Variants in ACTN1 observed in about 807,000 individuals in gnomAD.
The protein encoded by ACTN1 is alpha-actinin-1.
In ACTN1, 30 loss-of-function variants were observed where a neutral mutation model predicts 119.6. The ratio of observed to expected loss-of-function variants is 0.25; its 90% CI spans 0.19 to 0.34. The LOEUF (loss-of-function observed/expected upper bound fraction) is 0.34. Ranked by LOEUF, ACTN1 falls within the 10% of genes least tolerant of loss-of-function variation. ACTN1 has a pLI of 1.00. For missense variants in ACTN1, 764 were observed against 1,223.4 expected (o/e 0.62, Z 5.60); for synonymous variants, 429 against 472.6 (o/e 0.91, Z 1.20).
intron 1 of ACTN1, among the ~76,000 whole-genome samples, chr14:68,953,616 C>A (rs534489277): frequency 3.3e-5 from 5 of 151,784 alleles, no homozygotes; most frequent in African/African-American, 9.7e-5. Context: ...CGGTGGCTCA[C>A]GCCTGTAATC....
Position 68,882,981 on chromosome 14 carries a change from G to A in ACTN1, c.1710C>T (p.Gly570=), listed in dbSNP as rs1181985328. The change falls in exon 15 of 22, where the codon GGC becomes GGT. Residue 570 remains glycine (G), a synonymous_variant. Coordinates refer to ENST00000394419, the MANE Select transcript of ACTN1 (RefSeq NM_001130004.2). The surrounding 1 kb of genome is among the most constrained non-coding windows in gnomAD (Gnocchi z 4.5). ...DADKERLAIL[G]IHNEVSKIVQ... is the part of the protein sequence containing the mutation. ...CAATCTTGGACACCTCATTGTGGAT[G>A]CCCAGGATGGCCAGGCGCTCCTTGT... 4.3e-6 allele frequency: 7 copies of A among 1,614,102 alleles called. No homozygotes were observed. The highest frequency in any genetic ancestry group is 1.6e-4 in the Middle Eastern group (1 of 6,084).
intron 1 of ACTN1, among the ~76,000 whole-genome samples, chr14:68,959,502 C>A (rs887419509): frequency 6.6e-6 from 1 of 152,200 alleles, no homozygotes; most frequent in African/African-American, 2.4e-5. Context: ...GAAATAAACA[C>A]TTGATACTTC....
At chr14:68,902,632 AAAG>A in intron 7 of ACTN1, 70 bp from the exon 8 acceptor site, 1 of 1,335,338 alleles carries the variant, frequency 7.5e-7, no homozygotes, top group South Asian at 1.2e-5. Flanking sequence ...CGTGAGGCAG[AAAG>A]AAGCTCGCAG....
In ACTN1 at chr14:68,890,215, G is replaced by T. The variant is rs1054200; in HGVS notation, c.1158C>A (p.Ile386=). The change falls in exon 11 of 22, where the codon ATC becomes ATA. Residue 386 remains isoleucine, a synonymous_variant. Transcript: ENST00000394419. ...GGTGGTCCAGTCGCTCCAGCCTCCG[G>T]ATCTCATTCAGCAACCACTCCTCAT... ...KGYEEWLLNE[I]RRLERLDHLA... 38,643 of 1,614,174 alleles carry T rather than the reference G, an allele frequency of 0.024. 576 individuals carry two copies. Among genetic ancestry groups the T allele is most frequent in the Non-Finnish European group, 0.027 (31,970 of 1,180,028 alleles).
At chr14:68,972,701 GAGA>G (rs2036927553) in intron 1 of ACTN1, among the ~76,000 whole-genome samples, 1 of 152,220 alleles carries the variant, frequency 6.6e-6, no homozygotes, top group South Asian at 2.1e-4. Context: ...GAGCAAAGTT[GAGA>G]AGGAGTGCAA....
chr14:68,908,184 TG>T (rs1227304687), intron 6 of ACTN1, among the ~76,000 whole-genome samples: 1 of 8,414 alleles, frequency 1.2e-4, no homozygotes, highest in Non-Finnish European at 2.2e-4. Flanking sequence ...GCAGTGTGTA[TG>T]GGGTGGGGGT....
chr14:68,930,888 C>T (rs2035193519), intron 1 of ACTN1, among the ~76,000 whole-genome samples: 2 of 152,228 alleles, frequency 1.3e-5, no homozygotes, highest in Admixed American at 1.3e-4. Context: ...ATGCTGTTAA[C>T]ACACCTCATA....
intron 2 of ACTN1, among the ~76,000 whole-genome samples, chr14:68,922,329 T>C (rs1357566274): frequency 6.6e-6 from 1 of 152,222 alleles, no homozygotes; most frequent in African/African-American, 2.4e-5. Flanking sequence ...GCAGACTTCC[T>C]GCCACAGATG....
chr14:68,918,307 C>T (rs953185100), intron 3 of ACTN1, among the ~76,000 whole-genome samples: 5 of 152,264 alleles, frequency 3.3e-5, no homozygotes, highest in East Asian at 1.9e-4. Context: ...TCTGGCCGGG[C>T]GCGGTGGCTC....
At chr14:68,962,704 A>G (rs186766034) in intron 1 of ACTN1, among the ~76,000 whole-genome samples, 2 of 152,288 alleles carry the variant, frequency 1.3e-5, no homozygotes, top group Non-Finnish European at 2.9e-5. Flanking sequence ...ACTTCTCCCC[A>G]TTGGGTCAAC....
At position 68,978,935 on chromosome 14, in the gene ACTN1, CG is replaced by C; in HGVS notation, c.105+16del. 5 of 1,339,722 alleles carry C rather than the reference CG, an allele frequency of 3.7e-6. No individual in the cohort carries two copies. Among genetic ancestry groups the C allele is most frequent in the Admixed American group, 2.0e-5 (1 of 49,136 alleles). The allele number at this position is 1,339,722 out of a possible 1,614,324, so 83.0% of individuals were successfully genotyped here. A position where few individuals can be genotyped will look rare whatever the true frequency, so the allele number is the denominator to read the frequency against. ...GCTGGGGGCTGGGGGCTGCAGCGGGCGGGGGCGGCTGCTAACCTTTCTCTGC... is the reference window on the plus strand; with the variant it reads ...GCTGGGGGCTGGGGGCTGCAGCGGGCGGGGCGGCTGCTAACCTTTCTCTGC... On this transcript the variant is annotated intron_variant, in intron 1 of 21. Coordinates refer to ENST00000394419, the MANE Select transcript of ACTN1 (RefSeq NM_001130004.2).
At chr14:68,907,424 C>A (rs186219703) in intron 6 of ACTN1, among the ~76,000 whole-genome samples, 1,567 of 147,710 alleles carry the variant, frequency 0.011, 24 homozygotes, top group African/African-American at 0.037. Flanking sequence ...ATTAGCCAGG[C>A]GTGCTGGCGT....
intron 4 of ACTN1, among the ~76,000 whole-genome samples, chr14:68,911,129 G>T (rs1164929729): frequency 1.3e-5 from 2 of 152,144 alleles, no homozygotes; most frequent in African/African-American, 2.4e-5. Flanking sequence ...ACTTTAAAAT[G>T]ACATTCAAGG....
chr14:68,973,115 G>C (rs988369301), intron 1 of ACTN1, among the ~76,000 whole-genome samples: 4 of 152,124 alleles, frequency 2.6e-5, no homozygotes, highest in African/African-American at 9.7e-5. Flanking sequence ...CATGAAAGGA[G>C]GGAAAGCAGG....
intron 1 of ACTN1, among the ~76,000 whole-genome samples, chr14:68,946,846 A>G (rs751081965): frequency 6.6e-6 from 1 of 152,026 alleles, no homozygotes; most frequent in Admixed American, 6.5e-5. Flanking sequence ...CACCTTTTCC[A>G]TGCTTTAGTG....
At chr14:68,971,048 A>G (rs1441741587) in intron 1 of ACTN1, among the ~76,000 whole-genome samples, 1 of 152,240 alleles carries the variant, frequency 6.6e-6, no homozygotes, top group African/African-American at 2.4e-5. Context: ...TCTTATTTCA[A>G]TTCCATATAA....
chr14:68,896,829 T>G (rs775529870), intron 8 of ACTN1, among the ~76,000 whole-genome samples: 44 of 152,158 alleles, frequency 2.9e-4, no homozygotes, highest in Non-Finnish European at 4.4e-4. Flanking sequence ...AATTGATGGC[T>G]TCATGAGATA....
intron 8 of ACTN1, 55 bp downstream of exon 8, chr14:68,902,417 ATGGTT>A: frequency 7.1e-7 from 1 of 1,417,282 alleles, no homozygotes; most frequent in Non-Finnish European, 1.0e-6. Context: ...GCAGGAGGAC[ATGGTT>A]TGGGGTCCAG....
chr14:68,936,531 G>A, intron 1 of ACTN1: 12 of 278,340 alleles, frequency 4.3e-5, no homozygotes, highest in Non-Finnish European at 4.9e-5. Context: ...GCAAATAAAA[G>A]AACAGTCTGT....
Sources: allele counts gnomAD v4.1 joint callset (sites outside exome capture counted in the v4.1 genomes callset), GRCh38; gene constraint gnomAD v4.1.1; non-coding constraint Gnocchi (gnomAD v3.1); transcripts MANE v1.5; gene names NCBI Gene and HGNC (gene_info 2026-07-23, HGNC 2026-07-21).